COL4A1: variants seen among roughly 807,000 people sequenced by gnomAD.
The protein encoded by COL4A1 is collagen type IV alpha 1 chain.
In COL4A1, 40 loss-of-function variants were observed where a neutral mutation model predicts 216.6. The ratio of observed to expected loss-of-function variants is 0.18; its 90% CI spans 0.14 to 0.24. The LOEUF (loss-of-function observed/expected upper bound fraction) is 0.24. Ranked by LOEUF, COL4A1 falls within the 10% of genes least tolerant of loss-of-function variation. The probability of loss-of-function intolerance (pLI) is 1.00; values close to 1 mark genes in which losing one functional copy is unlikely to be tolerated. For synonymous variants in COL4A1, 839 were observed against 810.7 expected, an observed-to-expected ratio of 1.03 and a Z score of -0.59; for missense variants, 1,628 against 2,196.8, an observed-to-expected ratio of 0.74 and a Z score of 5.18.
At chr13:110,209,289 C>T in intron 11 of COL4A1, 103 bp downstream of exon 11, 2 of 1,074,014 alleles carry the variant, frequency 1.9e-6, no homozygotes, top group Non-Finnish European at 2.8e-6. Flanking sequence ...GTTAATTTTC[C>T]AACTTTTTTT....
At chr13:110,239,276 C>T (rs1414553019) in intron 2 of COL4A1, among the ~76,000 whole-genome samples, 1 of 152,118 alleles carries the variant, frequency 6.6e-6, no homozygotes, top group Admixed American at 6.6e-5. Context: ...TCTGTCATAT[C>T]GCCATAGAAA....
chr13:110,291,784 C>G (rs772672132), intron 1 of COL4A1, among the ~76,000 whole-genome samples: 1 of 152,164 alleles, frequency 6.6e-6, no homozygotes, highest in South Asian at 2.1e-4. Flanking sequence ...GGATCATAAT[C>G]GCCAGTTCCA....
At chr13:110,214,174 G>C (rs550361064) in intron 2 of COL4A1, among the ~76,000 whole-genome samples, 159 bp from the exon 3 acceptor site, 1 of 152,204 alleles carries the variant, frequency 6.6e-6, no homozygotes, top group South Asian at 2.1e-4. Flanking sequence ...TCACTGCAAA[G>C]TCCACTGCCT....
At chr13:110,301,447 C>T (rs559495345) in intron 1 of COL4A1, among the ~76,000 whole-genome samples, 162 of 152,328 alleles carry the variant, frequency 1.1e-3, no homozygotes, top group Admixed American at 3.1e-3. Flanking sequence ...CAGCACCGCT[C>T]GAGTGCTTAC....
intron 1 of COL4A1, among the ~76,000 whole-genome samples, chr13:110,258,946 C>A (rs753260234): frequency 4.6e-5 from 7 of 152,308 alleles, no homozygotes; most frequent in South Asian, 2.1e-4. Context: ...TGATCTGTCA[C>A]CAAAATATTT....
intron 2 of COL4A1, among the ~76,000 whole-genome samples, chr13:110,227,039 A>G (rs1387171283): frequency 1.3e-5 from 2 of 152,232 alleles, no homozygotes; most frequent in Non-Finnish European, 1.5e-5. Flanking sequence ...ATATATTTCA[A>G]TCCAAGGTGT....
intron 2 of COL4A1, among the ~76,000 whole-genome samples, chr13:110,221,052 G>T (rs1594595875): frequency 6.6e-6 from 1 of 152,334 alleles, no homozygotes; most frequent in African/African-American, 2.4e-5. Flanking sequence ...TTCAAGGAGA[G>T]ATTTCTATTG....
chr13:110,236,118 T>C (rs1423756301), intron 2 of COL4A1, among the ~76,000 whole-genome samples: 1 of 152,212 alleles, frequency 6.6e-6, no homozygotes, highest in Non-Finnish European at 1.5e-5. Flanking sequence ...ATTGTTACAA[T>C]ATAGCACAAA....
intron 45 of COL4A1, 96 bp downstream of exon 45, chr13:110,166,136 A>G (rs1257996273): frequency 3.7e-6 from 3 of 803,632 alleles, no homozygotes; most frequent in Non-Finnish European, 6.8e-6. Context: ...GTCATTTCAC[A>G]TATGAAAAAC....
intron 2 of COL4A1, among the ~76,000 whole-genome samples, chr13:110,215,184 T>C (rs1880007654): frequency 6.6e-6 from 1 of 152,188 alleles, no homozygotes; most frequent in South Asian, 2.1e-4. Flanking sequence ...GTCCACAGTG[T>C]GCACCTCATG....
At chr13:110,200,782 T>C in intron 20 of COL4A1, 72 bp downstream of exon 20, 5 of 1,446,076 alleles carry the variant, frequency 3.5e-6, no homozygotes, top group Non-Finnish European at 4.9e-6. Context: ...TCGTGATAAA[T>C]TATATATTCA....
chr13:110,288,273 A>AT (rs1555316096), intron 1 of COL4A1, among the ~76,000 whole-genome samples: 5,860 of 147,526 alleles, frequency 0.04, 148 homozygotes, highest in Non-Finnish European at 0.057. Flanking sequence ...AAAAAAAAAA[A>AT]AAATAATAAT....
chr13:110,236,646 G>C (rs894593864), intron 2 of COL4A1, among the ~76,000 whole-genome samples: 3 of 152,142 alleles, frequency 2.0e-5, no homozygotes, highest in African/African-American at 7.2e-5. Context: ...CAGTGAAGAC[G>C]ACCAGCCTTC....
chr13:110,200,778 T>C, intron 20 of COL4A1, 76 bp downstream of exon 20: 1 of 1,430,094 alleles, frequency 7.0e-7, no homozygotes, highest in Non-Finnish European at 9.8e-7. Context: ...ACATTCGTGA[T>C]AAATTATATA....
intron 1 of COL4A1, among the ~76,000 whole-genome samples, chr13:110,248,144 A>C (rs1881911894): frequency 1.3e-5 from 2 of 152,134 alleles, no homozygotes; most frequent in Admixed American, 6.5e-5. Context: ...TTTCCTGGTG[A>C]TACTGCCGTC....
intron 45 of COL4A1, among the ~76,000 whole-genome samples, chr13:110,165,591 A>C (rs568035217): frequency 2.0e-4 from 23 of 114,046 alleles, no homozygotes; most frequent in South Asian, 8.5e-4. Flanking sequence ...ACCCTCCCTC[A>C]CCTTCCACAC....
At chr13:110,240,304 G>A (rs1174444400) in intron 2 of COL4A1, among the ~76,000 whole-genome samples, 2 of 152,218 alleles carry the variant, frequency 1.3e-5, no homozygotes, top group African/African-American at 4.8e-5. Flanking sequence ...TCCTGGAGGT[G>A]CTGGGCTCCC....
At chr13:110,221,795 TTAAGTCAGTCCCCCAGAGCAGTC>T (rs377580533) in intron 2 of COL4A1, among the ~76,000 whole-genome samples, 65 of 152,328 alleles carry the variant, frequency 4.3e-4, no homozygotes, top group African/African-American at 1.5e-3. Context: ...CAGAACCATT[TTAAGTCAGTCCCCCAGAGCAGTC>T]AGATTTCCAC....
Position 110,161,057 on chromosome 13 carries a change from AC to A in COL4A1, c.4640+134del, listed in dbSNP as rs1426514408. 24 of 979,472 alleles carry A rather than the reference AC, an allele frequency of 2.5e-5. No homozygotes were observed. The African/African-American group carries it at 3.2e-4, about 13-fold the overall frequency. 60.7% of individuals were successfully genotyped at this position (979,472 alleles called of 1,614,324 possible). Reference sequence around the variant, plus strand: ...TTTTATGGTAGATTTCCATTACAAAACTCGAATATCACAAATAATAAGCTAA... The same window carrying A: ...TTTTATGGTAGATTTCCATTACAAAATCGAATATCACAAATAATAAGCTAA... On this transcript the variant is annotated intron_variant, in intron 49 of 51. Coordinates refer to ENST00000375820, the MANE Select transcript of COL4A1 (RefSeq NM_001845.6).
Sources: allele counts gnomAD v4.1 joint callset (sites outside exome capture counted in the v4.1 genomes callset), GRCh38; gene constraint gnomAD v4.1.1; transcripts MANE v1.5; gene names NCBI Gene and HGNC (gene_info 2026-07-23, HGNC 2026-07-21).